The following FSTL5 variants were observed in gnomAD, a reference collection of about 807,000 sequenced individuals.
FSTL5 encodes the protein follistatin like 5, also known as follistatin-related protein 5.
Under a neutral mutation model 89.1 loss-of-function variants are expected in FSTL5, and 62 were observed. The ratio of observed to expected loss-of-function variants is 0.70; its 90% CI spans 0.57 to 0.86. FSTL5 has a LOEUF of 0.86. Among genes scored for constraint, FSTL5 ranks in the 40% least tolerant of loss-of-function variants. FSTL5 has a pLI of 0.00. For synonymous variants in FSTL5, 383 were observed against 346.2 expected (o/e 1.11, Z -1.18); for missense variants, 1,057 against 1,001.6 (o/e 1.06, Z -0.75).
At chr4:161,706,452 T>C (rs1464670954) in intron 6 of FSTL5, among the ~76,000 whole-genome samples, 1 of 152,032 alleles carries the variant, frequency 6.6e-6, no homozygotes, top group Admixed American at 6.6e-5. Context: ...CGTTATTGAA[T>C]TATCCACTCT....
chr4:161,768,096 A>G (rs2126797247), intron 5 of FSTL5, among the ~76,000 whole-genome samples: 1 of 152,276 alleles, frequency 6.6e-6, no homozygotes, highest in Non-Finnish European at 1.5e-5. Flanking sequence ...TGGGTGTGAT[A>G]CACACTTGAG....
chr4:161,428,548 G>C (rs1464888397), intron 15 of FSTL5, among the ~76,000 whole-genome samples: 2 of 152,172 alleles, frequency 1.3e-5, no homozygotes, highest in African/African-American at 4.8e-5. Context: ...AGTAGGTTAG[G>C]GCAATTGGCA....
rs1378461257 is a variant in FSTL5, at chr4:162,047,973, C to T, written c.127-14315G>A. Among the ~76,000 whole-genome samples, 3 of 152,028 alleles carry T rather than the reference C, an allele frequency of 2.0e-5. No homozygotes were observed. In the East Asian group the frequency reaches 5.8e-4, roughly 29 times the overall value. On this transcript the variant is annotated intron_variant, in intron 2 of 15. Transcript: ENST00000306100. The stretch of plus-strand genomic sequence containing the variant: ...TAGTAAAGGTTATCATATAAATCAG[C>T]CTAATTTTAACCAAAAGTTGAGTGA...
chr4:161,605,714 T>C (rs947251238), intron 7 of FSTL5, among the ~76,000 whole-genome samples: 1 of 152,240 alleles, frequency 6.6e-6, no homozygotes, highest in African/African-American at 2.4e-5. Context: ...CACCCTTCAG[T>C]GGAGAACCAT....
chr4:161,980,608 A>G (rs1470705858), intron 3 of FSTL5, among the ~76,000 whole-genome samples: 1 of 151,760 alleles, frequency 6.6e-6, no homozygotes, highest in Admixed American at 6.6e-5. Flanking sequence ...TGTAGTCTAT[A>G]TCATATAGAA....
chr4:162,071,967 A>G (rs1383632727), intron 2 of FSTL5, among the ~76,000 whole-genome samples: 2 of 151,742 alleles, frequency 1.3e-5, no homozygotes, highest in African/African-American at 4.8e-5. Context: ...TAACACAAAC[A>G]TTAGGTGCTA....
At chr4:161,446,932 C>T (rs1039610016) in intron 15 of FSTL5, among the ~76,000 whole-genome samples, 1 of 151,808 alleles carries the variant, frequency 6.6e-6, no homozygotes, top group African/African-American at 2.4e-5. Context: ...TCAGCAAACC[C>T]AGAATCATAT....
chr4:161,922,780 T>A (rs2110869567), intron 3 of FSTL5, among the ~76,000 whole-genome samples: 1 of 151,884 alleles, frequency 6.6e-6, no homozygotes, highest in East Asian at 1.9e-4. Context: ...TATAAAATCA[T>A]GCAATTATTT....
chr4:161,635,896 T>A (rs1419711511), intron 7 of FSTL5, among the ~76,000 whole-genome samples: 2 of 152,166 alleles, frequency 1.3e-5, no homozygotes, highest in Non-Finnish European at 2.9e-5. Flanking sequence ...TTGTAAACAG[T>A]TGCCAACAAA....
intron 15 of FSTL5, among the ~76,000 whole-genome samples, chr4:161,438,072 G>C (rs1473308583): frequency 2.7e-5 from 4 of 147,604 alleles, no homozygotes; most frequent in Non-Finnish European, 5.9e-5. Context: ...TCCCGCACAA[G>C]TCAAAGCTGT....
At chr4:161,932,876 C>G (rs1044993439) in intron 3 of FSTL5, among the ~76,000 whole-genome samples, 1 of 152,034 alleles carries the variant, frequency 6.6e-6, no homozygotes, top group Non-Finnish European at 1.5e-5. Flanking sequence ...AATTCCTAGG[C>G]TTCTAAATGT....
intron 7 of FSTL5, among the ~76,000 whole-genome samples, chr4:161,643,150 AT>A (rs1415852394): frequency 6.6e-6 from 1 of 152,188 alleles, no homozygotes; most frequent in African/African-American, 2.4e-5. Flanking sequence ...TATGTTTTAA[AT>A]ATAGATGTAC....
chr4:161,759,415 T>G lies in FSTL5; in HGVS notation c.723A>C (p.Ala241=). 2 of 1,587,840 alleles carry G rather than the reference T, an allele frequency of 1.3e-6. No individual in the cohort carries two copies. The highest frequency in any genetic ancestry group is 1.7e-6 in the Non-Finnish European group (2 of 1,169,792). The change falls in exon 6 of 16, where the codon GCA becomes GCC. Residue 241 remains alanine, a synonymous_variant. Coordinates refer to ENST00000306100, the MANE Select transcript of FSTL5 (RefSeq NM_020116.5). ...KHLALEEFYR[A]FQVIQLSLPE... Reference sequence around the variant, plus strand: ...GAGAATGAATCTTGTACTCACGGAATGCTCTATAAAATTCTTCAAGAGCCA... The same window carrying G: ...GAGAATGAATCTTGTACTCACGGAAGGCTCTATAAAATTCTTCAAGAGCCA...
At chr4:161,528,571 C>T (rs1199059738) in intron 10 of FSTL5, among the ~76,000 whole-genome samples, 1 of 142,794 alleles carries the variant, frequency 7.0e-6, no homozygotes, top group East Asian at 2.4e-4. Flanking sequence ...AATTAGACTT[C>T]ACAAAACTTT....
At chr4:161,740,941 T>C (rs1158026066) in intron 6 of FSTL5, among the ~76,000 whole-genome samples, 2 of 152,104 alleles carry the variant, frequency 1.3e-5, no homozygotes, top group African/African-American at 4.8e-5. Flanking sequence ...AGATGCTCCT[T>C]CTCAATGTCT....
At chr4:161,885,754 A>G (rs1249939227) in intron 4 of FSTL5, among the ~76,000 whole-genome samples, 1 of 152,100 alleles carries the variant, frequency 6.6e-6, no homozygotes. Context: ...CAGACCCTGC[A>G]TAGTGATTTC....
chr4:162,143,713 A>G (rs1732840010), intron 1 of FSTL5, among the ~76,000 whole-genome samples: 1 of 73,930 alleles, frequency 1.4e-5, no homozygotes, highest in Non-Finnish European at 2.7e-5. Flanking sequence ...GTTGTATCTG[A>G]CTTTACACAC....
intron 7 of FSTL5, among the ~76,000 whole-genome samples, chr4:161,624,517 G>T (rs1322051932): frequency 6.6e-6 from 1 of 151,466 alleles, no homozygotes; most frequent in Non-Finnish European, 1.5e-5. Context: ...TTTATTAAAA[G>T]TTCCTTTATA....
At chr4:161,741,074 A>G (rs1452403716) in intron 6 of FSTL5, among the ~76,000 whole-genome samples, 2 of 152,198 alleles carry the variant, frequency 1.3e-5, no homozygotes, top group African/African-American at 4.8e-5. Context: ...TATTGTCATC[A>G]CACTGATAAT....
Sources: allele counts gnomAD v4.1 joint callset (sites outside exome capture counted in the v4.1 genomes callset), GRCh38; gene constraint gnomAD v4.1.1; transcripts MANE v1.5; gene names NCBI Gene and HGNC (gene_info 2026-07-23, HGNC 2026-07-21).